CDH23: variants seen among roughly 807,000 people sequenced by gnomAD.
CDH23 encodes the protein cadherin-23.
CDH23 carries 189 observed loss-of-function variants against 317.1 expected under a neutral mutation model. That is an observed-to-expected ratio of 0.60 (90% CI 0.53 to 0.67). The LOEUF (loss-of-function observed/expected upper bound fraction) is 0.67, where lower values mean the gene tolerates loss of function less well. Among genes scored for constraint, CDH23 ranks in the 30% least tolerant of loss-of-function variants. The pLI, the probability that CDH23 is intolerant of heterozygous loss-of-function variation, is 0.00. For missense variants in CDH23, 4,401 were observed against 4,592.4 expected, an observed-to-expected ratio of 0.96 and a Z score of 1.20; for synonymous variants, 1,839 against 1,876.8, an observed-to-expected ratio of 0.98 and a Z score of 0.52.
At chr10:71,528,378 C>T (rs886301718) in intron 6 of CDH23, among the ~76,000 whole-genome samples, 2 of 152,178 alleles carry the variant, frequency 1.3e-5, no homozygotes, top group African/African-American at 2.4e-5. Context: ...GGTCCAGGAC[C>T]TCAGTGCCCC....
At chr10:71,646,694 C>A (rs2132597985) in intron 14 of CDH23, 77 bp downstream of exon 14, 4 of 1,613,526 alleles carry the variant, frequency 2.5e-6, no homozygotes, top group Non-Finnish European at 3.4e-6. Flanking sequence ...GGATTTTGTC[C>A]AAGGGACCTC....
At chr10:71,546,057 C>G (rs1856261751) in intron 6 of CDH23, among the ~76,000 whole-genome samples, 1 of 152,122 alleles carries the variant, frequency 6.6e-6, no homozygotes, top group South Asian at 2.1e-4. Context: ...GATTTCTGGT[C>G]TTGCAGCCTC....
rs770827013 is a variant in CDH23, at chr10:71,570,748, C to T, written c.625-42C>T. On this transcript the variant is annotated intron_variant, in intron 7 of 69. Transcript: ENST00000224721. ...TACATATGTGTGTGAGTGTCCCCAC[C>T]ATCACTCAACCTAAGGCTGTGTGTT... 18 of 1,566,998 alleles carry T rather than the reference C, an allele frequency of 1.1e-5. No homozygotes were observed. In the South Asian group the frequency reaches 1.6e-4, roughly 14 times the overall value.
intron 9 of CDH23, among the ~76,000 whole-genome samples, chr10:71,588,782 C>A (rs375542583): frequency 4.5e-4 from 69 of 152,338 alleles, no homozygotes; most frequent in Non-Finnish European, 9.0e-4. Context: ...GCCCTCATCC[C>A]TCTGGGTGTT....
Position 71,687,697 on chromosome 10 carries a change from C to T in CDH23, c.2037C>T (p.Ser679=), listed in dbSNP as rs566412381. ...TCAGCAAGCCCGCCTACTTCGTCTC[C>T]GTGGTGGAGAACATCATGGCAGGTA... ...PTFSKPAYFV[S]VVENIMAGAT... Residue 679 remains serine (S), a synonymous_variant, in exon 19 of 70, where the codon TCC becomes TCT. Coordinates refer to ENST00000224721, the MANE Select transcript of CDH23 (RefSeq NM_022124.6). The T allele has an allele frequency of 1.9e-5, 30 of 1,613,816 alleles. No homozygotes were observed. Among genetic ancestry groups the T allele is most frequent in the South Asian group, 2.2e-5 (2 of 91,062 alleles).
At chr10:71,414,357 G>C (rs1361651467) in intron 1 of CDH23, among the ~76,000 whole-genome samples, 2 of 152,064 alleles carry the variant, frequency 1.3e-5, no homozygotes, top group African/African-American at 4.8e-5. Context: ...TTTGTTAAGA[G>C]TTTTTTCATA....
At chr10:71,672,118 C>T (rs970988393) in intron 14 of CDH23, among the ~76,000 whole-genome samples, 2 of 151,980 alleles carry the variant, frequency 1.3e-5, no homozygotes, top group East Asian at 1.9e-4. Context: ...ACTGAGTGTG[C>T]GCAGGGAGGA....
At chr10:71,632,523 T>C (rs975164928) in intron 11 of CDH23, among the ~76,000 whole-genome samples, 3 of 152,124 alleles carry the variant, frequency 2.0e-5, no homozygotes, top group African/African-American at 7.2e-5. Flanking sequence ...GGGTCAGGAC[T>C]GCTTAGATGT....
chr10:71,448,631 C>A (rs1425357927), intron 3 of CDH23, among the ~76,000 whole-genome samples: 1 of 152,166 alleles, frequency 6.6e-6, no homozygotes, highest in East Asian at 1.9e-4. Flanking sequence ...CGCTGTGTAA[C>A]CTTGGGCACA....
At chr10:71,594,434 C>A (rs988750653) in intron 9 of CDH23, among the ~76,000 whole-genome samples, 8 of 152,054 alleles carry the variant, frequency 5.3e-5, no homozygotes, top group African/African-American at 1.7e-4. Flanking sequence ...AGTGCAATGG[C>A]ACAATCTTGG....
chr10:71,461,691 T>C (rs1023615887), intron 3 of CDH23, among the ~76,000 whole-genome samples: 1 of 152,066 alleles, frequency 6.6e-6, no homozygotes, highest in Non-Finnish European at 1.5e-5. Flanking sequence ...TTGCAAGCCC[T>C]GTGCCGTGTT....
At chr10:71,738,354 A>T in intron 34 of CDH23, 144 bp from the exon 35 acceptor site, 3 of 916,092 alleles carry the variant, frequency 3.3e-6, no homozygotes, top group South Asian at 1.4e-5. Flanking sequence ...TAAAGTCAGG[A>T]TAGGCTTCGG....
At chr10:71,448,705 G>A (rs1215072692) in intron 3 of CDH23, among the ~76,000 whole-genome samples, 2 of 152,190 alleles carry the variant, frequency 1.3e-5, no homozygotes, top group Admixed American at 6.5e-5. Flanking sequence ...GGAAAGATGA[G>A]CCCAGTGGAC....
At chr10:71,662,461 G>C in intron 14 of CDH23, among the ~76,000 whole-genome samples, 1 of 152,192 alleles carries the variant, frequency 6.6e-6, no homozygotes, top group East Asian at 1.9e-4. Flanking sequence ...GGGAGAGGAG[G>C]GAGGGTGTCA....
At position 71,559,639 on chromosome 10, in the gene CDH23, G is replaced by A. The variant is rs975862487; in HGVS notation, c.430-7103G>A. On this transcript the variant is annotated intron_variant, in intron 6 of 69. Transcript: ENST00000224721. Reference sequence around the variant, plus strand: ...CTTGGAGATGGGAGGGTGCTGAGTTGGCTCTGGAGGAGACCAGAACAGCTG... The same window carrying A: ...CTTGGAGATGGGAGGGTGCTGAGTTAGCTCTGGAGGAGACCAGAACAGCTG... Among the ~76,000 whole-genome samples, 3 of 152,222 alleles carry A rather than the reference G, an allele frequency of 2.0e-5. No individual in the cohort carries two copies. The South Asian group carries it at 6.2e-4, about 32-fold the overall frequency.
intron 50 of CDH23, 62 bp downstream of exon 50, chr10:71,798,640 A>G: frequency 7.6e-7 from 1 of 1,308,852 alleles, no homozygotes; most frequent in East Asian, 2.5e-5. Flanking sequence ...CTTAGTCCCC[A>G]AGAGAGACCA....
chr10:71,678,611 C>T (rs530949905), intron 16 of CDH23, among the ~76,000 whole-genome samples: 1 of 152,192 alleles, frequency 6.6e-6, no homozygotes, highest in Non-Finnish European at 1.5e-5. Context: ...AGCCTGGCCA[C>T]GGCCCCCCGT....
At chr10:71,402,138 G>T (rs1012245879) in intron 1 of CDH23, among the ~76,000 whole-genome samples, 1 of 152,164 alleles carries the variant, frequency 6.6e-6, no homozygotes, top group African/African-American at 2.4e-5. Flanking sequence ...GGGCCTCAGG[G>T]TTTGCGGTCT....
At chr10:71,776,899 G>A (rs912846328) in intron 38 of CDH23, among the ~76,000 whole-genome samples, 8 of 152,258 alleles carry the variant, frequency 5.3e-5, no homozygotes, top group African/African-American at 1.9e-4. Flanking sequence ...TTAGTCCACA[G>A]GGGACATCTT....
Sources: allele counts gnomAD v4.1 joint callset (sites outside exome capture counted in the v4.1 genomes callset), GRCh38; gene constraint gnomAD v4.1.1; transcripts MANE v1.5; gene names NCBI Gene and HGNC (gene_info 2026-07-23, HGNC 2026-07-21).